The following SNAPC3 variants were observed in gnomAD, a reference collection of about 807,000 sequenced individuals.
SNAPC3 encodes small nuclear RNA activating complex polypeptide 3.
Under a neutral mutation model 47.7 loss-of-function variants are expected in SNAPC3, and 56 were observed. That is an observed-to-expected ratio of 1.18 (90% CI 0.95 to 1.47). The LOEUF is 1.47. SNAPC3 is among the 40% of genes most tolerant of loss of function. SNAPC3 has a pLI of 0.00. For missense variants in SNAPC3, 665 were observed against 511.3 expected (o/e 1.30, Z -2.90); for synonymous variants, 235 against 189.9 (o/e 1.24, Z -1.95).
downstream of SNAPC3, chr9:15,465,281 GT>G: frequency 4.6e-6 from 2 of 437,134 alleles, no homozygotes; most frequent in East Asian, 3.8e-5. Flanking sequence ...TGGAAAAGCA[GT>G]TTAACATTTT....
downstream of SNAPC3, chr9:15,463,940 TTACCCCGTTTCCC>T (rs1354278389): frequency 6.2e-6 from 1 of 162,118 alleles, no homozygotes; most frequent in Non-Finnish European, 1.4e-5. Flanking sequence ...TACTGTTTAG[TTACCCCGTTTCCC>T]AAAACAGCAC....
intron 3 of SNAPC3, among the ~76,000 whole-genome samples, chr9:15,435,836 TTTTC>T (rs2032733698): frequency 1.4e-5 from 1 of 69,078 alleles, no homozygotes; most frequent in Non-Finnish European, 3.0e-5. Flanking sequence ...TTTTACTTAC[TTTTC>T]TTTCTTTTTT....
At chr9:15,449,734 C>T (rs534698802) in intron 5 of SNAPC3, among the ~76,000 whole-genome samples, 3 of 151,390 alleles carry the variant, frequency 2.0e-5, no homozygotes, top group African/African-American at 7.3e-5. Context: ...CCATGCCCGG[C>T]TAATTTTTGT....
Position 15,447,185 on chromosome 9 carries a change from C to G in SNAPC3, c.673C>G (p.Leu225Val). 6.2e-7 allele frequency: 1 copy of G among 1,613,974 alleles called. No homozygotes were observed. Residue 225 changes from leucine to valine, a missense_variant, in exon 5 of 9, where the codon CTC becomes GTC. Leu to Val is a conservative substitution (Grantham distance 32). Coordinates refer to ENST00000380821, the MANE Select transcript of SNAPC3 (RefSeq NM_001039697.2). ...GGATTCAATTCGATGTGTCAGTGAC[C>G]TCCAGATTGGTGGTGAATTCAGCAA... The part of the protein sequence containing the change: ...LRDSIRCVSD[L>V]QIGGEFSNTP...
chr9:15,443,478 T>A (rs757291614), intron 3 of SNAPC3, among the ~76,000 whole-genome samples: 3 of 152,164 alleles, frequency 2.0e-5, no homozygotes, highest in Non-Finnish European at 4.4e-5. Flanking sequence ...AAACGATTAT[T>A]GTAGCACGTG....
At chr9:15,466,382 G>C (rs1451091589), downstream of SNAPC3, among the ~76,000 whole-genome samples, 1 of 148,972 alleles carries the variant, frequency 6.7e-6, no homozygotes, top group Non-Finnish European at 1.5e-5. Context: ...CTGTCTCAAA[G>C]AAAAAACAAC....
chr9:15,435,472 C>T (rs1258290848), intron 3 of SNAPC3, among the ~76,000 whole-genome samples: 2 of 152,072 alleles, frequency 1.3e-5, no homozygotes, highest in African/African-American at 4.8e-5. Flanking sequence ...ACTCGGGAGA[C>T]TGAAACAGGA....
intron 4 of SNAPC3, among the ~76,000 whole-genome samples, chr9:15,444,947 G>T (rs1239958935): frequency 6.6e-6 from 1 of 152,150 alleles, no homozygotes; most frequent in Non-Finnish European, 1.5e-5. Context: ...AAAAAAATTA[G>T]CTAGGCATGG....
chr9:15,465,283 T>G, downstream of SNAPC3: 1 of 439,928 alleles, frequency 2.3e-6, no homozygotes, highest in Non-Finnish European at 4.0e-6. Flanking sequence ...GAAAAGCAGT[T>G]TAACATTTTC....
At chr9:15,457,081 T>C (rs1375912638) in intron 7 of SNAPC3, among the ~76,000 whole-genome samples, 1 of 152,164 alleles carries the variant, frequency 6.6e-6, no homozygotes. Context: ...AGAGTAGAGA[T>C]TGACTTCCAT....
intron 2 of SNAPC3, among the ~76,000 whole-genome samples, chr9:15,432,560 A>G (rs555176600): frequency 1.3e-5 from 2 of 152,294 alleles, no homozygotes; most frequent in Admixed American, 1.3e-4. Flanking sequence ...AAAGGAGAGG[A>G]CTTGCTGAAA....
At chr9:15,448,870 T>C (rs1177494887) in intron 5 of SNAPC3, among the ~76,000 whole-genome samples, 2 of 152,004 alleles carry the variant, frequency 1.3e-5, no homozygotes, top group African/African-American at 4.8e-5. Flanking sequence ...AGTGCGATGA[T>C]GCAATCTCGG....
chr9:15,433,719 G>C, intron 3 of SNAPC3, 83 bp downstream of exon 3: 1 of 849,880 alleles, frequency 1.2e-6, no homozygotes, highest in Non-Finnish European at 1.9e-6. Context: ...TGACAGTATG[G>C]TAGCTTTATA....
chr9:15,439,579 G>C (rs538390014), intron 3 of SNAPC3, among the ~76,000 whole-genome samples: 2 of 152,174 alleles, frequency 1.3e-5, no homozygotes, highest in Non-Finnish European at 2.9e-5. Context: ...CTGTCACCCA[G>C]GCTGGAGTGC....
chr9:15,461,500 T>C lies in SNAPC3; in HGVS notation c.*1634T>C, dbSNP rs1188838762. On this transcript the variant is annotated 3_prime_UTR_variant, in exon 9 of 9. Coordinates refer to ENST00000380821, the MANE Select transcript of SNAPC3 (RefSeq NM_001039697.2). ...TTATTTTCAGGTCTAGACCATCAGA[T>C]AGATTTATTCAAATATTTTCTGGGA... is the stretch of plus-strand genomic sequence containing the variant. The C allele has an allele frequency of 1.3e-5, 2 of 152,192 alleles. No homozygotes were observed. The highest frequency in any genetic ancestry group is 2.4e-5 in the African/African-American group (1 of 41,460). 9.4% of individuals were successfully genotyped at this position (152,192 alleles called of 1,614,324 possible). A position where few individuals can be genotyped will look rare whatever the true frequency, so the allele number is the denominator to read the frequency against.
intron 2 of SNAPC3, among the ~76,000 whole-genome samples, chr9:15,430,549 A>G (rs2032005762): frequency 6.6e-6 from 1 of 152,234 alleles, no homozygotes; most frequent in Admixed American, 6.5e-5. Context: ...GAGGAAAATA[A>G]TACTTTTTGT....
At chr9:15,465,280 A>T, downstream of SNAPC3, 1 of 432,944 alleles carries the variant, frequency 2.3e-6, no homozygotes, top group Non-Finnish European at 4.0e-6. Context: ...CTGGAAAAGC[A>T]GTTTAACATT....
At chr9:15,434,826 C>G (rs890272319) in intron 3 of SNAPC3, among the ~76,000 whole-genome samples, 1 of 152,140 alleles carries the variant, frequency 6.6e-6, no homozygotes, top group African/African-American at 2.4e-5. Flanking sequence ...ACGTTTTGTT[C>G]TATTTATCCG....
chr9:15,452,174 G>T (rs771357999), intron 6 of SNAPC3, among the ~76,000 whole-genome samples: 1 of 151,954 alleles, frequency 6.6e-6, no homozygotes, highest in African/African-American at 2.4e-5. Context: ...TGTTGGCCAG[G>T]CTGGTCTTGA....
Sources: allele counts gnomAD v4.1 joint callset (sites outside exome capture counted in the v4.1 genomes callset), GRCh38; gene constraint gnomAD v4.1.1; transcripts MANE v1.5; gene names NCBI Gene and HGNC (gene_info 2026-07-23, HGNC 2026-07-21).